The following WWOX variants were observed in gnomAD, a reference collection of about 807,000 sequenced individuals.
WWOX encodes WW domain-containing oxidoreductase.
WWOX carries 69 observed loss-of-function variants against 46.2 expected under a neutral mutation model. The ratio of observed to expected loss-of-function variants is 1.49; its 90% CI spans 1.23 to 1.82. The LOEUF is 1.82. WWOX is among the 40% of genes most tolerant of loss of function. WWOX has a pLI of 0.00. For missense variants in WWOX, 919 were observed against 542.6 expected (o/e 1.69, Z -6.89); for synonymous variants, 359 against 202.6 (o/e 1.77, Z -6.56).
chr16:79,123,229 G>A (rs530936316), intron 8 of WWOX, among the ~76,000 whole-genome samples: 2 of 152,214 alleles, frequency 1.3e-5, no homozygotes, highest in East Asian at 3.9e-4. Context: ...AAGCATGATG[G>A]CAATTGCCTG....
At chr16:79,167,642 A>G (rs2050620935) in intron 8 of WWOX, among the ~76,000 whole-genome samples, 1 of 152,228 alleles carries the variant, frequency 6.6e-6, no homozygotes, top group Non-Finnish European at 1.5e-5. Context: ...AAGGTTATCC[A>G]AGTCAAATAA....
At chr16:78,859,245 C>G (rs1362868636) in intron 8 of WWOX, among the ~76,000 whole-genome samples, 1 of 151,262 alleles carries the variant, frequency 6.6e-6, no homozygotes, top group Non-Finnish European at 1.5e-5. Flanking sequence ...CAGCATAAAG[C>G]TTGGGCTGAG....
chr16:78,261,774 ATC>A (rs72296409), intron 5 of WWOX, among the ~76,000 whole-genome samples: 2,679 of 45,346 alleles, frequency 0.059, 62 homozygotes, highest in Middle Eastern at 0.1. Context: ...CTATCTATGT[ATC>A]TATCTATCTA....
intron 8 of WWOX, among the ~76,000 whole-genome samples, chr16:78,847,698 T>A (rs1383255610): frequency 6.6e-6 from 1 of 151,658 alleles, no homozygotes. Flanking sequence ...TCTTCTTCTA[T>A]AAGATGGAAA....
intron 8 of WWOX, among the ~76,000 whole-genome samples, chr16:78,439,176 C>G (rs566602100): frequency 6.6e-6 from 1 of 152,076 alleles, no homozygotes; most frequent in African/African-American, 2.4e-5. Flanking sequence ...CTTTCTGTTG[C>G]GAGGGGGAAA....
At chr16:78,561,414 G>C (rs1392512034) in intron 8 of WWOX, among the ~76,000 whole-genome samples, 1 of 152,160 alleles carries the variant, frequency 6.6e-6, no homozygotes, top group African/African-American at 2.4e-5. Flanking sequence ...GATGAGGATA[G>C]TTTCTTTATC....
chr16:79,126,563 G>T (rs1442613421), intron 8 of WWOX, among the ~76,000 whole-genome samples: 1 of 152,138 alleles, frequency 6.6e-6, no homozygotes, highest in Non-Finnish European at 1.5e-5. Flanking sequence ...TGCCATGGTG[G>T]TAAGTTTCCT....
chr16:78,404,105 G>C (rs977754634), intron 6 of WWOX, among the ~76,000 whole-genome samples: 3 of 152,200 alleles, frequency 2.0e-5, no homozygotes, highest in African/African-American at 7.2e-5. Context: ...TATAAACACA[G>C]ATGGTCCTTA....
intron 8 of WWOX, among the ~76,000 whole-genome samples, chr16:78,487,104 C>T (rs747375176): frequency 1.3e-5 from 2 of 152,172 alleles, no homozygotes; most frequent in African/African-American, 2.4e-5. Flanking sequence ...TTGCCAGAAG[C>T]TATAACGAGA....
At position 78,193,819 on chromosome 16, in the gene WWOX, T is replaced by TTTA. The variant is rs144894203; in HGVS notation, c.516+29548_516+29550dup. 6.7e-5 allele frequency among the ~76,000 whole-genome samples: 10 copies of TTTA among 150,018 alleles called. No homozygotes were observed. The South Asian group carries it at 1.0e-3, about 16-fold the overall frequency. On this transcript the variant is annotated intron_variant, in intron 5 of 8. Coordinates refer to ENST00000566780, the MANE Select transcript of WWOX (RefSeq NM_016373.4). ...CTTTTGAAACTTAATTTAATTTTTATTTATTATTATTATTATTATTTTCAA... is the reference window on the plus strand; with the variant it reads ...CTTTTGAAACTTAATTTAATTTTTATTTATTATTATTATTATTATTATTTTCAA...
intron 5 of WWOX, among the ~76,000 whole-genome samples, chr16:78,183,182 G>A (rs1300691153): frequency 6.6e-6 from 1 of 151,986 alleles, no homozygotes; most frequent in African/African-American, 2.4e-5. Flanking sequence ...CGTTGTCCTT[G>A]CCCTAAGTGT....
chr16:78,662,960 C>G (rs752212908), intron 8 of WWOX, among the ~76,000 whole-genome samples: 4 of 152,174 alleles, frequency 2.6e-5, no homozygotes, highest in South Asian at 4.1e-4. Flanking sequence ...GTTTTTTTAA[C>G]TTAATCTTGG....
At chr16:78,997,382 A>G (rs1477734017) in intron 8 of WWOX, among the ~76,000 whole-genome samples, 6 of 152,150 alleles carry the variant, frequency 3.9e-5, no homozygotes, top group Admixed American at 1.3e-4. Flanking sequence ...GTCTGTTTCT[A>G]TTCTTACCAC....
chr16:78,591,002 C>T (rs189607832), intron 8 of WWOX, among the ~76,000 whole-genome samples: 1 of 152,118 alleles, frequency 6.6e-6, no homozygotes, highest in East Asian at 1.9e-4. Flanking sequence ...GTACAAGGCG[C>T]TCAACTCACG....
At chr16:78,266,085 C>A (rs1165117691) in intron 5 of WWOX, 1 of 152,180 alleles carries the variant, frequency 6.6e-6, no homozygotes, top group Non-Finnish European at 1.5e-5. Flanking sequence ...CTGCATCAAA[C>A]TGTCTCTGAT....
At chr16:78,312,214 T>A (rs1358676584) in intron 5 of WWOX, among the ~76,000 whole-genome samples, 1 of 152,064 alleles carries the variant, frequency 6.6e-6, no homozygotes, top group African/African-American at 2.4e-5. Context: ...GCAACCTTAA[T>A]TCATATAACC....
In WWOX at chr16:78,889,716, G is replaced by C. The variant is rs1036841441; in HGVS notation, c.1057-321892G>C. Reference sequence around the variant, plus strand: ...TGTGGGCAGGTGACAATTTCTGCAGGTATTTTCCCCCCATTTTAACTTGTG... The same window carrying C: ...TGTGGGCAGGTGACAATTTCTGCAGCTATTTTCCCCCCATTTTAACTTGTG... On this transcript the variant is annotated intron_variant, in intron 8 of 8. Coordinates refer to ENST00000566780, the MANE Select transcript of WWOX (RefSeq NM_016373.4). Among the ~76,000 whole-genome samples the C allele has an allele frequency of 2.6e-5, 4 of 152,178 alleles. No homozygotes were observed. In the South Asian group the frequency reaches 6.2e-4, roughly 24 times the overall value.
intron 8 of WWOX, among the ~76,000 whole-genome samples, chr16:78,748,802 C>G (rs1034685505): frequency 1.3e-5 from 2 of 152,222 alleles, no homozygotes; most frequent in Non-Finnish European, 2.9e-5. Context: ...CCCTCTGACA[C>G]GGCAAACACA....
Position 79,106,582 on chromosome 16 carries a change from A to ATTTTTTTTTTTTTTTTTT in WWOX, c.1057-105010_1057-104993dup, listed in dbSNP as rs752318131. 64 of 79,514 alleles carry ATTTTTTTTTTTTTTTTTT rather than the reference A, an allele frequency of 8.0e-4. 6 individuals carry two copies. Among genetic ancestry groups the ATTTTTTTTTTTTTTTTTT allele is most frequent in the African/African-American group, 3.3e-3 (63 of 18,832 alleles). The allele number at this position is 79,514 out of a possible 1,614,324, so 4.9% of individuals were successfully genotyped here. A position where few individuals can be genotyped will look rare whatever the true frequency, so the allele number is the denominator to read the frequency against. On this transcript the variant is annotated intron_variant, in intron 8 of 8. Transcript: ENST00000566780. ...CCTAAAATGACTCTTTCTTAAAATA[A>ATTTTTTTTTTTTTTTTTT]TTTTTTTTTTTTTTTTTTTTTTTTT... is the stretch of plus-strand genomic sequence containing the variant.
Sources: gnomAD v4.1 joint callset for allele counts (sites outside exome capture counted in the v4.1 genomes callset) on GRCh38, gnomAD v4.1.1 for gene constraint, MANE v1.5 for transcripts, NCBI Gene and HGNC (gene_info 2026-07-23, HGNC 2026-07-21) for gene names.